ZPR1: variants seen among roughly 807,000 people sequenced by gnomAD.
ZPR1 encodes ZPR1 zinc finger.
In ZPR1, 37 loss-of-function variants were observed where a neutral mutation model predicts 59.6. That is an observed-to-expected ratio of 0.62 (90% CI 0.48 to 0.82). ZPR1 has a LOEUF of 0.82. Ranked by LOEUF, ZPR1 falls within the 40% of genes least tolerant of loss-of-function variation. The pLI, the probability that ZPR1 is intolerant of heterozygous loss-of-function variation, is 0.00. For synonymous variants in ZPR1, 191 were observed against 215.2 expected (o/e 0.89, Z 0.99); for missense variants, 527 against 579.9 (o/e 0.91, Z 0.94).
chr11:116,785,940 T>TAA (rs1940881566), intron 4 of ZPR1, 58 bp from the exon 5 acceptor site: 1 of 1,454,538 alleles, frequency 6.9e-7, no homozygotes, highest in African/African-American at 1.4e-5. Context: ...GCCCTGCCCC[T>TAA]TGTCATGCCC....
intron 7 of ZPR1, 67 bp downstream of exon 7, chr11:116,785,032 A>T: frequency 1.2e-6 from 2 of 1,609,038 alleles, no homozygotes; most frequent in Non-Finnish European, 1.7e-6. Context: ...AGGAAGACAG[A>T]TGCTGAACAG....
At chr11:116,787,668 GA>G in intron 1 of ZPR1, 25 bp from the exon 2 acceptor site, 2 of 1,597,072 alleles carry the variant, frequency 1.3e-6, no homozygotes, top group Non-Finnish European at 1.7e-6. Context: ...AGTAGCTAAG[GA>G]AAAAAATCAA....
At chr11:116,779,195 C>T in intron 13 of ZPR1, 136 bp from the exon 14 acceptor site, 1 of 1,206,382 alleles carries the variant, frequency 8.3e-7, no homozygotes, top group Middle Eastern at 2.6e-4. Context: ...TTTCCCATGG[C>T]TAGACTGAAC....
chr11:116,785,829 C>G lies in ZPR1; in HGVS notation c.549G>C (p.Lys183Asn), dbSNP rs769999141. The G allele has an allele frequency of 3.7e-6, 6 of 1,614,106 alleles. No homozygotes were observed. Among genetic ancestry groups the G allele is most frequent in the Non-Finnish European group, 2.5e-6 (3 of 1,180,038 alleles). The stretch of plus-strand genomic sequence containing the variant: ...AAGGGGAGGCTACTTGCTTTAGCTC[C>G]TTCAGTTTGACAATGAACTCATCAA... Reference protein sequence around the residue: ...ERIDEFIVKLKELKQVASPFT... With the variant: ...ERIDEFIVKLNELKQVASPFT... The change falls in exon 5 of 14, where the codon AAG (lysine) becomes AAC (asparagine). Residue 183 changes from lysine to asparagine, a missense_variant. Physicochemically the swap from Lys to Asn is moderately conservative, Grantham distance 94. Coordinates refer to ENST00000227322, the MANE Select transcript of ZPR1 (RefSeq NM_003904.5).
intron 12 of ZPR1, 126 bp downstream of exon 12, chr11:116,782,029 AAAG>A (rs1397719795): frequency 1.2e-5 from 8 of 690,074 alleles, no homozygotes; most frequent in Non-Finnish European, 1.9e-5. Flanking sequence ...AAAAAAAAGA[AAAG>A]AAAACCAGAA....
At chr11:116,785,962 A>G (rs1328333665) in intron 4 of ZPR1, 80 bp from the exon 5 acceptor site, 5 of 1,220,640 alleles carry the variant, frequency 4.1e-6, no homozygotes, top group Admixed American at 3.4e-5. Flanking sequence ...TGTTACTTCC[A>G]TTAGGAAGTC....
At chr11:116,779,176 G>T in intron 13 of ZPR1, 117 bp from the exon 14 acceptor site, 1 of 1,418,890 alleles carries the variant, frequency 7.0e-7, no homozygotes, top group Non-Finnish European at 9.5e-7. Flanking sequence ...TCTTTTTATT[G>T]GCCTCCAATT....
chr11:116,778,290 A>C lies in ZPR1; in HGVS notation c.*635T>G, dbSNP rs1040910568. On this transcript the variant is annotated 3_prime_UTR_variant, in exon 14 of 14. Transcript: ENST00000227322. ...TCTGTTCTGTGGTGTGCTTGGCATAAAGTAGATAAGCAAGCATCTGCTGAA... is the reference window on the plus strand; with the variant it reads ...TCTGTTCTGTGGTGTGCTTGGCATACAGTAGATAAGCAAGCATCTGCTGAA... 1 of 152,326 alleles carries C rather than the reference A, an allele frequency of 6.6e-6. No individual in the cohort carries two copies. The highest frequency in any genetic ancestry group is 1.5e-5 in the Non-Finnish European group (1 of 68,136). 9.4% of individuals were successfully genotyped at this position (152,326 alleles called of 1,614,324 possible). A position where few individuals can be genotyped will look rare whatever the true frequency, so the allele number is the denominator to read the frequency against.
At chr11:116,779,619 C>A (rs1215156617) in intron 13 of ZPR1, among the ~76,000 whole-genome samples, 153 bp downstream of exon 13, 1 of 152,072 alleles carries the variant, frequency 6.6e-6, no homozygotes, top group Non-Finnish European at 1.5e-5. Flanking sequence ...CCACACCCCC[C>A]TCTTTTCTCC....
rs1244471409 is a variant in ZPR1, at chr11:116,787,984, C to T, written c.7G>A (p.Ala3Thr). The stretch of plus-strand genomic sequence containing the variant: ...GGCCCTGGTTCCACAGCCCCGCTGG[C>T]CGCCATGGCCACCACGCGCAATTCA... MAASGAVEPGPPG... is the reference protein window; with the variant it reads MATSGAVEPGPPG... The change falls in exon 1 of 14, where the codon GCC becomes ACC. Residue 3 changes from alanine to threonine, a missense_variant. Transcript: ENST00000227322. 3 of 1,426,506 alleles carry T rather than the reference C, an allele frequency of 2.1e-6. No individual in the cohort carries two copies. The allele number at this position is 1,426,506 out of a possible 1,614,324, so 88.4% of individuals were successfully genotyped here. A position where few individuals can be genotyped will look rare whatever the true frequency, so the allele number is the denominator to read the frequency against.
At chr11:116,781,148 G>C (rs1940797960) in intron 12 of ZPR1, among the ~76,000 whole-genome samples, 1 of 151,658 alleles carries the variant, frequency 6.6e-6, no homozygotes, top group South Asian at 2.1e-4. Flanking sequence ...CAAAAAAAGA[G>C]TAAATTATAG....
intron 12 of ZPR1, among the ~76,000 whole-genome samples, chr11:116,781,857 A>G (rs1591308045): frequency 6.6e-6 from 1 of 152,072 alleles, no homozygotes; most frequent in East Asian, 1.9e-4. Flanking sequence ...CTAAAAATAC[A>G]AAAAATTAGC....
At position 116,775,627 on chromosome 11, in the gene ZPR1, C is replaced by CA. The variant is rs36148817; in HGVS notation, c.*3297dup. 5.9e-3 allele frequency: 439 copies of CA among 74,636 alleles called. 87 individuals carry two copies. Among genetic ancestry groups the CA allele is most frequent in the East Asian group, 0.033 (34 of 1,036 alleles). The allele number at this position is 74,636 out of a possible 1,614,324, so 4.6% of individuals were successfully genotyped here. On this transcript the variant is annotated 3_prime_UTR_variant, in exon 14 of 14. Transcript: ENST00000227322. ...TGGGCAACAGAGTGAGACTCCGTCT[C>CA]AAAAAAAAAAAAAAAAAAAAAAAAA... is the stretch of plus-strand genomic sequence containing the variant.
chr11:116,774,421 C>T lies in ZPR1; in HGVS notation c.*4504G>A, dbSNP rs532023479. 6.6e-6 allele frequency: 1 copy of T among 152,202 alleles called. No individual in the cohort carries two copies. Among genetic ancestry groups the T allele is most frequent in the African/African-American group, 2.4e-5 (1 of 41,522 alleles). 9.4% of individuals were successfully genotyped at this position (152,202 alleles called of 1,614,324 possible). A position where few individuals can be genotyped will look rare whatever the true frequency, so the allele number is the denominator to read the frequency against. On this transcript the variant is annotated 3_prime_UTR_variant, in exon 14 of 14. Transcript: ENST00000227322. ...ATTTGCAGGATGCTATACACAACTA[C>T]ACAAAAGTGCAAACAATAGTTTCTT...
intron 4 of ZPR1, among the ~76,000 whole-genome samples, chr11:116,786,284 C>A (rs535474579): frequency 3.9e-5 from 6 of 152,274 alleles, no homozygotes; most frequent in African/African-American, 1.4e-4. Flanking sequence ...TTAGGAAAGG[C>A]TCTTCAGAGG....
chr11:116,776,114 A>T lies in ZPR1; in HGVS notation c.*2811T>A, dbSNP rs1416160077. On this transcript the variant is annotated 3_prime_UTR_variant, in exon 14 of 14. Coordinates refer to ENST00000227322, the MANE Select transcript of ZPR1 (RefSeq NM_003904.5). ...CCCTCCTCCACTCATCATGACACAG[A>T]TGTACATTCAGTACCTACCTGTATG... 1 of 152,242 alleles carries T rather than the reference A, an allele frequency of 6.6e-6. No homozygotes were observed. The highest frequency in any genetic ancestry group is 1.5e-5 in the Non-Finnish European group (1 of 68,042). The allele number at this position is 152,242 out of a possible 1,614,324, so 9.4% of individuals were successfully genotyped here.
At chr11:116,787,196 TC>T in intron 2 of ZPR1, 137 bp from the exon 3 acceptor site, 1 of 796,346 alleles carries the variant, frequency 1.3e-6, no homozygotes, top group South Asian at 1.6e-5. Context: ...TCCAGACTGC[TC>T]CTTTCGAATA....
At position 116,787,584 on chromosome 11, in the gene ZPR1, G is replaced by A. The variant is rs779537232; in HGVS notation, c.231C>T (p.Ser77=). 6.2e-7 allele frequency: 1 copy of A among 1,614,226 alleles called. No individual in the cohort carries two copies. The highest frequency in any genetic ancestry group is 1.1e-5 in the South Asian group (1 of 91,090). ...IPFFREIIVS[S]FSCEHCGWNN... ...TCCAGCCACAGTGCTCGCAGGAAAA[G>A]GAGCTCACTATTATTTCTCTGAAGA... The change falls in exon 2 of 14, where the codon TCC becomes TCT. Residue 77 remains serine (S), a synonymous_variant. Transcript: ENST00000227322.
chr11:116,780,361 G>A (rs1940787897), intron 12 of ZPR1, among the ~76,000 whole-genome samples: 1 of 149,264 alleles, frequency 6.7e-6, no homozygotes, highest in Admixed American at 6.9e-5. Flanking sequence ...ACACACCCCA[G>A]CCCCCTTCCC....
Sources: gnomAD v4.1 joint callset for allele counts (sites outside exome capture counted in the v4.1 genomes callset) on GRCh38, gnomAD v4.1.1 for gene constraint, MANE v1.5 for transcripts, NCBI Gene and HGNC (gene_info 2026-07-23, HGNC 2026-07-21) for gene names.